The following GRTP1 variants were observed in gnomAD, a reference collection of about 807,000 sequenced individuals.
GRTP1 encodes growth hormone-regulated TBC protein 1.
A neutral mutation model predicts 38.1 loss-of-function variants in GRTP1; 56 were observed. The ratio of observed to expected loss-of-function variants is 1.47; its 90% CI spans 1.19 to 1.84. GRTP1 has a LOEUF of 1.84. GRTP1 is among the 40% of genes most tolerant of loss of function. GRTP1 has a pLI of 0.00. For missense variants in GRTP1, 506 were observed against 453.9 expected (o/e 1.11, Z -1.04); for synonymous variants, 217 against 189.5 (o/e 1.14, Z -1.19).
chr13:113,328,158 C>T lies in GRTP1; in HGVS notation c.563-2067G>A, dbSNP rs561861064. On this transcript the variant is annotated intron_variant, in intron 5 of 7. Coordinates refer to ENST00000375431, the MANE Select transcript of GRTP1 (RefSeq NM_024719.4). Reference sequence around the variant, plus strand: ...GTGACCACCTCATCTGGTCTCGCGCCGCTATCCCCCCAGGCTCCTTGTCCC... The same window carrying T: ...GTGACCACCTCATCTGGTCTCGCGCTGCTATCCCCCCAGGCTCCTTGTCCC... 9.9e-5 allele frequency among the ~76,000 whole-genome samples: 15 copies of T among 152,284 alleles called. No homozygotes were observed. The South Asian group carries it at 2.5e-3, about 25-fold the overall frequency.
At position 113,325,854 on chromosome 13, in the gene GRTP1, G is replaced by C. The variant is rs2042756478; in HGVS notation, c.736-8C>G. 1 of 1,613,816 alleles carries C rather than the reference G, an allele frequency of 6.2e-7. No homozygotes were observed. The highest frequency in any genetic ancestry group is 1.3e-5 in the African/African-American group (1 of 74,932). ...CCAGATCCGAAGCACTGTCTGCAGA[G>C]ACATGGGAACCCGGTGTCACTCCCT... On this transcript the variant is annotated splice_polypyrimidine_tract_variant and splice_region_variant and intron_variant, in intron 6 of 7. Transcript: ENST00000375431.
At chr13:113,357,259 A>T (rs2043410471) in intron 2 of GRTP1, among the ~76,000 whole-genome samples, 1 of 152,158 alleles carries the variant, frequency 6.6e-6, no homozygotes, top group Non-Finnish European at 1.5e-5. Context: ...AGCCTGGCCA[A>T]CATGGTGAAA....
chr13:113,353,068 C>T (rs1252353648), intron 3 of GRTP1, among the ~76,000 whole-genome samples: 1 of 146,696 alleles, frequency 6.8e-6, no homozygotes, highest in Non-Finnish European at 1.5e-5. Context: ...GGACCCAGCC[C>T]CACACTCTGG....
At chr13:113,363,639 C>G (rs1270653814) in intron 2 of GRTP1, 123 bp downstream of exon 2, 2 of 1,019,258 alleles carry the variant, frequency 2.0e-6, no homozygotes, top group Non-Finnish European at 2.8e-6. Context: ...CCCGCAGCTT[C>G]GTCCCGACCT....
intron 5 of GRTP1, among the ~76,000 whole-genome samples, chr13:113,341,954 G>GT (rs961528103): frequency 1.4e-4 from 21 of 151,028 alleles, no homozygotes; most frequent in African/African-American, 2.4e-4. Context: ...GCCCGGCCCT[G>GT]TTTTTTTTTG....
intron 5 of GRTP1, among the ~76,000 whole-genome samples, chr13:113,337,841 T>C (rs988512188): frequency 8.5e-5 from 13 of 152,224 alleles, no homozygotes; most frequent in Non-Finnish European, 1.8e-4. Context: ...GATGTGGCAA[T>C]TGCGGCGCCA....
chr13:113,332,667 G>T (rs1483020835), intron 5 of GRTP1, among the ~76,000 whole-genome samples: 3 of 152,226 alleles, frequency 2.0e-5, no homozygotes, highest in Non-Finnish European at 4.4e-5. Flanking sequence ...ATCCACCCAA[G>T]AACAAGCTTC....
intron 3 of GRTP1, among the ~76,000 whole-genome samples, chr13:113,354,822 C>T (rs1269800722): frequency 1.3e-5 from 2 of 152,214 alleles, no homozygotes; most frequent in African/African-American, 4.8e-5. Flanking sequence ...CCACCGCGCC[C>T]GGCCTTAGGT....
chr13:113,350,220 C>T lies in GRTP1; in HGVS notation c.465+629G>A, dbSNP rs1305556187. ...GCTCCTGGTTGCCCTGCATTCCGGCCTGTTCACTCCACTAGTTACTAACAG... is the reference window on the plus strand; with the variant it reads ...GCTCCTGGTTGCCCTGCATTCCGGCTTGTTCACTCCACTAGTTACTAACAG... On this transcript the variant is annotated intron_variant, in intron 4 of 7. Coordinates refer to ENST00000375431, the MANE Select transcript of GRTP1 (RefSeq NM_024719.4). 2.0e-5 allele frequency among the ~76,000 whole-genome samples: 3 copies of T among 152,226 alleles called. No homozygotes were observed. The East Asian group carries it at 5.8e-4, about 29-fold the overall frequency.
intron 4 of GRTP1, among the ~76,000 whole-genome samples, chr13:113,350,524 A>ACAGCACACACACCCCC (rs2043243900): frequency 6.9e-6 from 1 of 145,890 alleles, no homozygotes; most frequent in Non-Finnish European, 1.5e-5. Flanking sequence ...TACACACCCC[A>ACAGCACACACACCCCC]CAGCACACAC....
chr13:113,346,495 T>A (rs1189169804), intron 4 of GRTP1, among the ~76,000 whole-genome samples: 58 of 5,320 alleles, frequency 0.011, 3 homozygotes, highest in African/African-American at 0.012. Context: ...TGCCTGACAG[T>A]GGACCCGGGA....
rs779792176 is a variant in GRTP1, at chr13:113,364,027, C to A, written c.25G>T (p.Val9Phe). The part of the protein sequence containing the change: MQPAERSR[V>F]PRIDPYGFER... ...GCACCCCGCGCCACACACCTGGGGA[C>A]CCGCGAGCGCTCGGCGGGCTGCATG... Residue 9 changes from valine (V) to phenylalanine (F), a missense_variant, in exon 1 of 8, where the codon GTC becomes TTC. By Grantham distance (50) the Val-to-Phe change is conservative. Coordinates refer to ENST00000375431, the MANE Select transcript of GRTP1 (RefSeq NM_024719.4). 1.5e-6 allele frequency: 2 copies of A among 1,309,152 alleles called. No individual in the cohort carries two copies. Among genetic ancestry groups the A allele is most frequent in the African/African-American group, 1.6e-5 (1 of 63,620 alleles). The allele number at this position is 1,309,152 out of a possible 1,614,324, so 81.1% of individuals were successfully genotyped here. A position where few individuals can be genotyped will look rare whatever the true frequency, so the allele number is the denominator to read the frequency against.
At position 113,363,870 on chromosome 13, in the gene GRTP1, C is replaced by G. The variant is rs1247305040; in HGVS notation, c.73G>C (p.Asp25His). Residue 25 changes from aspartate (D) to histidine (H), a missense_variant, in exon 2 of 8, where the codon GAC (aspartate) becomes CAC (histidine). Physicochemically the swap from Asp to His is moderately conservative, Grantham distance 81. Transcript: ENST00000375431. ...GAGAAAAACTTCTCGTAGGCGGCGT[C>G]GTCGAAGTCCTCAGGCCGCTCGAAT... ...YGFERPEDFD[D>H]AAYEKFFSSY... is the part of the protein sequence containing the mutation. The G allele has an allele frequency of 3.1e-6, 5 of 1,611,910 alleles. No homozygotes were observed. The highest frequency in any genetic ancestry group is 4.2e-6 in the Non-Finnish European group (5 of 1,179,598).
chr13:113,330,413 C>T (rs374618650), intron 5 of GRTP1, among the ~76,000 whole-genome samples: 1 of 131,758 alleles, frequency 7.6e-6, no homozygotes, highest in Admixed American at 7.4e-5. Context: ...CATGGAAACC[C>T]GGGTGTGTGC....
chr13:113,350,508 C>CCAGCACACACACCCCA (rs1233628882), intron 4 of GRTP1, among the ~76,000 whole-genome samples: 1 of 85,582 alleles, frequency 1.2e-5, no homozygotes, highest in Admixed American at 1.4e-4. Flanking sequence ...CACATGCCTT[C>CCAGCACACACACCCCA]CAGCATACAC....
intron 4 of GRTP1, among the ~76,000 whole-genome samples, chr13:113,347,363 C>T (rs1388900701): frequency 4.2e-4 from 29 of 69,860 alleles, no homozygotes; most frequent in Admixed American, 7.5e-4. Flanking sequence ...AGAACAGATC[C>T]GGGAGGACCT....
Position 113,325,547 on chromosome 13 carries a change from C to G in GRTP1, c.921+114G>C, listed in dbSNP as rs372729343. On this transcript the variant is annotated intron_variant, in intron 7 of 7. Coordinates refer to ENST00000375431, the MANE Select transcript of GRTP1 (RefSeq NM_024719.4). ...CAGAGCTGGAGGCTCATCCTGTGCC[C>G]TATGCCCACTGGTGCCCGTCCTGTG... is the stretch of plus-strand genomic sequence containing the variant. 24 of 1,574,050 alleles carry G rather than the reference C, an allele frequency of 1.5e-5. No homozygotes were observed. The African/African-American group carries it at 3.1e-4, about 20-fold the overall frequency.
intron 5 of GRTP1, among the ~76,000 whole-genome samples, chr13:113,330,869 G>A (rs778158368): frequency 0.68 from 3,930 of 5,820 alleles, 1,781 homozygotes; most frequent in Middle Eastern, 1. Flanking sequence ...GTGCATGGAA[G>A]CCCAGGTGTG....
chr13:113,342,567 G>A lies in GRTP1; in HGVS notation c.562+2296C>T, dbSNP rs909802620. Among the ~76,000 whole-genome samples, 6 of 151,960 alleles carry A rather than the reference G, an allele frequency of 3.9e-5. No individual in the cohort carries two copies. The highest frequency in any genetic ancestry group is 7.4e-5 in the Non-Finnish European group (5 of 67,998). On this transcript the variant is annotated intron_variant, in intron 5 of 7. Transcript: ENST00000375431. This position sits in a 1 kb window ranked among gnomAD's most constrained non-coding sequence, Gnocchi z 4.5. Reference sequence around the variant, plus strand: ...ATGAGAATATATCTGTGTATTTCTTGTATAACTTAAAAGCAGCAATTAAGA... The same window carrying A: ...ATGAGAATATATCTGTGTATTTCTTATATAACTTAAAAGCAGCAATTAAGA...
Sources: gnomAD v4.1 joint callset for allele counts (sites outside exome capture counted in the v4.1 genomes callset) on GRCh38, gnomAD v4.1.1 for gene constraint, Gnocchi (gnomAD v3.1) non-coding constraint, MANE v1.5 for transcripts, NCBI Gene and HGNC (gene_info 2026-07-23, HGNC 2026-07-21) for gene names.